LRRC4C: variants seen among roughly 807,000 people sequenced by gnomAD.
LRRC4C encodes leucine-rich repeat-containing protein 4C.
LRRC4C carries 5 observed loss-of-function variants against 33.6 expected under a neutral mutation model. That is an observed-to-expected ratio of 0.15 (90% CI 0.08 to 0.31). The LOEUF is 0.31. Among genes scored for constraint, LRRC4C ranks in the 10% least tolerant of loss-of-function variants. LRRC4C has a pLI of 1.00. For synonymous variants in LRRC4C, 329 were observed against 302.0 expected, an observed-to-expected ratio of 1.09 and a Z score of -0.93; for missense variants, 560 against 796.7, an observed-to-expected ratio of 0.70 and a Z score of 3.58.
chr11:40,703,487 G>A (rs1945984273), intron 2 of LRRC4C, among the ~76,000 whole-genome samples: 1 of 152,146 alleles, frequency 6.6e-6, no homozygotes, highest in African/African-American at 2.4e-5. Context: ...GTGGAGTGGG[G>A]AGGATCACTT....
chr11:40,146,598 C>A (rs544886177), intron 5 of LRRC4C, among the ~76,000 whole-genome samples: 1 of 152,146 alleles, frequency 6.6e-6, no homozygotes, highest in Non-Finnish European at 1.5e-5. Flanking sequence ...CACTCTCCAA[C>A]CTGTAGAAAA....
At chr11:40,924,309 A>C (rs1957323994) in intron 2 of LRRC4C, among the ~76,000 whole-genome samples, 1 of 152,048 alleles carries the variant, frequency 6.6e-6, no homozygotes, top group Admixed American at 6.6e-5. Context: ...CAGGAGACAA[A>C]GGATGTGGTT....
intron 2 of LRRC4C, among the ~76,000 whole-genome samples, chr11:40,811,365 G>A (rs999649419): frequency 6.6e-6 from 1 of 152,070 alleles, no homozygotes; most frequent in Non-Finnish European, 1.5e-5. Context: ...GATAAACTGT[G>A]CTTGTACAAG....
At chr11:40,450,950 T>C (rs886818736) in intron 3 of LRRC4C, among the ~76,000 whole-genome samples, 1 of 151,866 alleles carries the variant, frequency 6.6e-6, no homozygotes, top group African/African-American at 2.4e-5. Context: ...AATTAGATAA[T>C]ATCTTGAGGT....
chr11:40,281,052 G>C (rs757780063), intron 4 of LRRC4C, among the ~76,000 whole-genome samples: 14 of 152,284 alleles, frequency 9.2e-5, no homozygotes, highest in Admixed American at 3.3e-4. Flanking sequence ...AGGCGGATAG[G>C]GATGGATGCA....
chr11:40,980,331 ATATT>A (rs1271246519), intron 1 of LRRC4C, among the ~76,000 whole-genome samples: 1 of 152,206 alleles, frequency 6.6e-6, no homozygotes, highest in Non-Finnish European at 1.5e-5. Context: ...TTGTCAAAAA[ATATT>A]TATATTCTCC....
chr11:40,692,405 ACT>A (rs1238060554), intron 2 of LRRC4C, among the ~76,000 whole-genome samples: 2 of 151,904 alleles, frequency 1.3e-5, no homozygotes, highest in South Asian at 4.2e-4. Flanking sequence ...TTTCTAGAAG[ACT>A]CTTGTATTAT....
intron 5 of LRRC4C, among the ~76,000 whole-genome samples, chr11:40,219,919 T>C (rs1428855403): frequency 6.6e-6 from 1 of 152,218 alleles, no homozygotes; most frequent in Non-Finnish European, 1.5e-5. Context: ...AATGGGTAAC[T>C]ATGTGAGCTA....
chr11:40,950,855 C>T (rs902504403), intron 1 of LRRC4C, among the ~76,000 whole-genome samples: 2 of 151,228 alleles, frequency 1.3e-5, no homozygotes, highest in Non-Finnish European at 2.9e-5. Flanking sequence ...AAATTTGATC[C>T]TGGTATATGT....
chr11:40,866,169 TA>T lies in LRRC4C; in HGVS notation c.-407+67465del, dbSNP rs34472076. Among the ~76,000 whole-genome samples, 139 of 135,250 alleles carry T rather than the reference TA, an allele frequency of 1.0e-3. 1 individual carries two copies. Among genetic ancestry groups the T allele is most frequent in the African/African-American group, 3.2e-3 (117 of 36,690 alleles). 88.7% of individuals were successfully genotyped at this position (135,250 alleles called of 152,430 possible). A position where few individuals can be genotyped will look rare whatever the true frequency, so the allele number is the denominator to read the frequency against. ...GTTGAAATCCCAGGGTAATTCTACT[TA>T]AAAAAAAAAAAAAAAGCGGTAAGAA... On this transcript the variant is annotated intron_variant, in intron 2 of 6. Coordinates refer to ENST00000528697, the MANE Select transcript of LRRC4C (RefSeq NM_001258419.2).
At chr11:41,039,073 T>C (rs572919111) in intron 1 of LRRC4C, among the ~76,000 whole-genome samples, 1 of 152,340 alleles carries the variant, frequency 6.6e-6, no homozygotes, top group East Asian at 1.9e-4. Flanking sequence ...AGATCTTACA[T>C]TTAAATCATT....
At chr11:40,722,324 A>T (rs999392487) in intron 2 of LRRC4C, among the ~76,000 whole-genome samples, 1 of 152,166 alleles carries the variant, frequency 6.6e-6, no homozygotes, top group Admixed American at 6.5e-5. Flanking sequence ...CTGCACATGC[A>T]CTGAATATTA....
chr11:41,237,302 G>A (rs1050282994), intron 1 of LRRC4C, among the ~76,000 whole-genome samples: 5 of 152,106 alleles, frequency 3.3e-5, no homozygotes, highest in Admixed American at 6.5e-5. Context: ...AGTATCTGTC[G>A]TTGTCAGCTC....
At chr11:40,475,515 A>G (rs1953168621) in intron 3 of LRRC4C, among the ~76,000 whole-genome samples, 3 of 152,032 alleles carry the variant, frequency 2.0e-5, no homozygotes, top group Non-Finnish European at 4.4e-5. Flanking sequence ...TGGGTTGATG[A>G]GTGTAGCAAA....
At chr11:40,854,610 GC>G (rs2135775032) in intron 2 of LRRC4C, among the ~76,000 whole-genome samples, 1 of 151,788 alleles carries the variant, frequency 6.6e-6, no homozygotes, top group South Asian at 2.1e-4. Flanking sequence ...TTCATACAAT[GC>G]CTTTTTTTTC....
intron 1 of LRRC4C, among the ~76,000 whole-genome samples, chr11:40,938,635 G>A (rs1958011848): frequency 6.6e-6 from 1 of 152,060 alleles, no homozygotes; most frequent in South Asian, 2.1e-4. Flanking sequence ...TATGACCTAG[G>A]TGATTCAGAC....
chr11:40,625,148 T>G (rs549409406), intron 3 of LRRC4C, among the ~76,000 whole-genome samples: 1 of 152,242 alleles, frequency 6.6e-6, no homozygotes, highest in Admixed American at 6.5e-5. Flanking sequence ...ATAATTGCCA[T>G]AGCTAAGATT....
At chr11:41,170,905 C>T (rs1944945581) in intron 1 of LRRC4C, among the ~76,000 whole-genome samples, 1 of 151,982 alleles carries the variant, frequency 6.6e-6, no homozygotes, top group South Asian at 2.1e-4. Context: ...AACACATTTA[C>T]AAGAAAAAAC....
intron 2 of LRRC4C, among the ~76,000 whole-genome samples, chr11:40,809,999 A>G (rs187935581): frequency 2.0e-5 from 3 of 152,260 alleles, no homozygotes; most frequent in South Asian, 4.1e-4. Flanking sequence ...ATCCTTTCCT[A>G]TTGCTTCATT....
Sources: allele counts gnomAD v4.1 joint callset (sites outside exome capture counted in the v4.1 genomes callset), GRCh38; gene constraint gnomAD v4.1.1; transcripts MANE v1.5; gene names NCBI Gene and HGNC (gene_info 2026-07-23, HGNC 2026-07-21).